Variants in LRPPRC observed in about 807,000 individuals in gnomAD.
LRPPRC encodes the protein leucine rich pentatricopeptide repeat containing.
Under a neutral mutation model 180.3 loss-of-function variants are expected in LRPPRC, and 120 were observed. The ratio of observed to expected loss-of-function variants is 0.67; its 90% CI spans 0.57 to 0.77. The LOEUF is 0.77. Among genes scored for constraint, LRPPRC ranks in the 30% least tolerant of loss-of-function variants. The probability of loss-of-function intolerance (pLI) is 0.00; values close to 1 mark genes in which losing one functional copy is unlikely to be tolerated. For synonymous variants in LRPPRC, 723 were observed against 600.0 expected (o/e 1.21, Z -3.00); for missense variants, 2,012 against 1,657.2 (o/e 1.21, Z -3.72).
chr2:43,899,069 C>A, intron 34 of LRPPRC, 150 bp downstream of exon 34: 2 of 683,576 alleles, frequency 2.9e-6, no homozygotes, highest in South Asian at 3.1e-5. Flanking sequence ...AGTCCTTGTC[C>A]TGCAACCGTG....
intron 23 of LRPPRC, among the ~76,000 whole-genome samples, chr2:43,941,233 G>A (rs905053054): frequency 2.6e-5 from 4 of 151,998 alleles, no homozygotes; most frequent in South Asian, 2.1e-4. Context: ...TGGAAAAGTC[G>A]GTTCAGAATT....
chr2:43,928,159 G>C (rs1439323323), intron 25 of LRPPRC, among the ~76,000 whole-genome samples: 1 of 152,152 alleles, frequency 6.6e-6, no homozygotes, highest in Non-Finnish European at 1.5e-5. Context: ...CTGAGCTACT[G>C]TGCTTCAAAC....
At chr2:43,947,602 T>C (rs891292144) in intron 19 of LRPPRC, 129 bp downstream of exon 19, 4 of 701,616 alleles carry the variant, frequency 5.7e-6, no homozygotes, top group Non-Finnish European at 5.1e-6. Context: ...GAACAGGTTT[T>C]ACCAACTTCT....
intron 13 of LRPPRC, chr2:43,958,939 C>G (rs1233531587): frequency 8.5e-6 from 3 of 354,194 alleles, no homozygotes; most frequent in Non-Finnish European, 1.0e-5. Flanking sequence ...AATAAACAAC[C>G]TCTTGAAAAT....
At chr2:43,982,515 A>C in intron 1 of LRPPRC, 81 bp from the exon 2 acceptor site, 1 of 1,065,300 alleles carries the variant, frequency 9.4e-7, no homozygotes, top group Non-Finnish European at 1.4e-6. Context: ...ACAAATTTTA[A>C]AATTAGTTAT....
At chr2:43,976,065 CAAAA>C in intron 6 of LRPPRC, 74 bp downstream of exon 6, 1 of 827,628 alleles carries the variant, frequency 1.2e-6, no homozygotes, top group Non-Finnish European at 2.1e-6. Context: ...ACTTAACAAA[CAAAA>C]AAGGAGTAAA....
intron 30 of LRPPRC, among the ~76,000 whole-genome samples, chr2:43,910,137 T>C (rs779655672): frequency 5.3e-5 from 8 of 152,184 alleles, no homozygotes; most frequent in African/African-American, 1.4e-4. Context: ...TTGGCTGCAA[T>C]TGCAGTTTTG....
rs1184531178 is a variant in LRPPRC at position 43,947,333 on chromosome 2, A to G, written c.2003T>C (p.Leu668Pro). ...QLTSSELESTLETLKAENQPI... is the reference protein window; with the variant it reads ...QLTSSELESTPETLKAENQPI... ...TTGATTTTCAGCTTTTAGTGTTTCA[A>G]GTGTGGACTCCAATTCAGATGATGT... Residue 668 changes from leucine (L) to proline (P), a missense_variant, in exon 20 of 38, where the codon CTT becomes CCT. Leu to Pro is a moderately conservative substitution (Grantham distance 98). Transcript: ENST00000260665. The G allele has an allele frequency of 1.9e-6, 3 of 1,604,020 alleles. No individual in the cohort carries two copies. The highest frequency in any genetic ancestry group is 1.7e-5 in the Admixed American group (1 of 59,960).
At chr2:43,972,854 C>T (rs1236280109) in intron 11 of LRPPRC, among the ~76,000 whole-genome samples, 7 of 152,068 alleles carry the variant, frequency 4.6e-5, no homozygotes, top group Non-Finnish European at 8.8e-5. Context: ...CATTATACTT[C>T]GAGATAAAAT....
intron 25 of LRPPRC, among the ~76,000 whole-genome samples, chr2:43,929,999 T>C (rs1282565255): frequency 6.6e-6 from 1 of 151,822 alleles, no homozygotes; most frequent in Admixed American, 6.6e-5. Context: ...AGCTCTAAAA[T>C]CCACTGTCTG....
rs149725063 is a variant in LRPPRC, at chr2:43,985,507, G to A, written c.150-3073C>T. On this transcript the variant is annotated intron_variant, in intron 1 of 37. Coordinates refer to ENST00000260665, the MANE Select transcript of LRPPRC (RefSeq NM_133259.4). Reference sequence around the variant, plus strand: ...TCCTCATTCCTTCCACCCTCCTTCCGAACCCCTGGCAACCACTGATTTTTA... The same window carrying A: ...TCCTCATTCCTTCCACCCTCCTTCCAAACCCCTGGCAACCACTGATTTTTA... Among the ~76,000 whole-genome samples, 71 of 151,966 alleles carry A rather than the reference G, an allele frequency of 4.7e-4. No homozygotes were observed. In the East Asian group the frequency reaches 0.012, roughly 26 times the overall value.
At chr2:43,969,001 C>A (rs1673680309) in intron 11 of LRPPRC, among the ~76,000 whole-genome samples, 1 of 152,164 alleles carries the variant, frequency 6.6e-6, no homozygotes, top group African/African-American at 2.4e-5. Flanking sequence ...TTATATTGTA[C>A]ACCTTGAATA....
At chr2:43,974,376 CA>C in intron 8 of LRPPRC, 81 bp from the exon 9 acceptor site, 1 of 1,081,036 alleles carries the variant, frequency 9.3e-7, no homozygotes, top group South Asian at 1.3e-5. Context: ...ATACTGAAGA[CA>C]AAATAAGAAT....
chr2:43,947,774 T>C lies in LRPPRC; in HGVS notation c.1922A>G (p.Asp641Gly). Residue 641 changes from aspartate to glycine, a missense_variant and splice_region_variant, in exon 19 of 38, where the codon GAT becomes GGT. Transcript: ENST00000260665. ...ESYHVPELIK[D>G]AHLLVESKNL... is the part of the protein sequence containing the mutation. ...CTTACTCTCAACCAACAAGTGAGCA[T>C]CCTAAAATTGAAATTTAAATTAGCC... 2 of 1,586,230 alleles carry C rather than the reference T, an allele frequency of 1.3e-6. No homozygotes were observed. Among genetic ancestry groups the C allele is most frequent in the South Asian group, 2.2e-5 (2 of 90,454 alleles).
chr2:43,889,938 C>T, intron 36 of LRPPRC, 62 bp from the exon 37 acceptor site: 1 of 1,240,942 alleles, frequency 8.1e-7, no homozygotes, highest in Non-Finnish European at 1.2e-6. Flanking sequence ...CTCTTTTCAC[C>T]AAAACAGCCA....
intron 37 of LRPPRC, 70 bp from the exon 38 acceptor site, chr2:43,888,726 C>T: frequency 1.2e-6 from 1 of 846,840 alleles, no homozygotes; most frequent in Middle Eastern, 2.2e-4. Flanking sequence ...CTTAAAAAAT[C>T]ATAAAACACT....
Position 43,975,084 on chromosome 2 carries a change from G to A in LRPPRC, c.864+7C>T, listed in dbSNP as rs1176003046. ...TTAAAGTATGTTTATTTAGACATAA[G>A]TCATACCTGCTTAACATGGTCAATG... On this transcript the variant is annotated splice_region_variant and intron_variant, in intron 7 of 37. Coordinates refer to ENST00000260665, the MANE Select transcript of LRPPRC (RefSeq NM_133259.4). The A allele has an allele frequency of 6.2e-7, 1 of 1,611,532 alleles. No individual in the cohort carries two copies. Among genetic ancestry groups the A allele is most frequent in the Admixed American group, 1.7e-5 (1 of 59,998 alleles).
At position 43,953,242 on chromosome 2, in the gene LRPPRC, G is replaced by A. The variant is rs72798860; in HGVS notation, c.1650-2642C>T. 3.5e-3 allele frequency among the ~76,000 whole-genome samples: 527 copies of A among 152,272 alleles called. No individual in the cohort carries two copies. The Middle Eastern group carries it at 0.041, about 12-fold the overall frequency. The stretch of plus-strand genomic sequence containing the variant: ...ATAGTTACGAAGACTAGTTTTTGGA[G>A]TAGAAGAAAGAAATCACCTGTAGTT... On this transcript the variant is annotated intron_variant, in intron 14 of 37. Transcript: ENST00000260665.
chr2:43,950,511 C>A, intron 15 of LRPPRC, 62 bp downstream of exon 15: 1 of 1,364,992 alleles, frequency 7.3e-7, no homozygotes, highest in South Asian at 1.2e-5. Flanking sequence ...TATTACATAA[C>A]CTATGGTATT....
Sources: allele counts gnomAD v4.1 joint callset (sites outside exome capture counted in the v4.1 genomes callset), GRCh38; gene constraint gnomAD v4.1.1; transcripts MANE v1.5; gene names NCBI Gene and HGNC (gene_info 2026-07-23, HGNC 2026-07-21).